Variants in RNF217 observed in about 807,000 individuals in gnomAD.
RNF217 encodes E3 ubiquitin-protein ligase RNF217.
Under a neutral mutation model 57.8 loss-of-function variants are expected in RNF217, and 31 were observed. The ratio of observed to expected loss-of-function variants is 0.54; its 90% CI spans 0.40 to 0.72. The LOEUF (loss-of-function observed/expected upper bound fraction) is 0.72, where lower values mean the gene tolerates loss of function less well. RNF217 is among the 30% of genes least tolerant of loss of function. The pLI is 0.00. For synonymous variants in RNF217, 313 were observed against 294.0 expected, an observed-to-expected ratio of 1.06 and a Z score of -0.66; for missense variants, 696 against 708.3, an observed-to-expected ratio of 0.98 and a Z score of 0.20.
intron 3 of RNF217, among the ~76,000 whole-genome samples, chr6:125,074,995 G>T (rs1788309326): frequency 6.6e-6 from 1 of 152,122 alleles, no homozygotes; most frequent in African/African-American, 2.4e-5. Flanking sequence ...TCTAAGCAAA[G>T]AACTCACATG....
At chr6:125,069,976 C>T (rs1788077678) in intron 3 of RNF217, among the ~76,000 whole-genome samples, 1 of 151,984 alleles carries the variant, frequency 6.6e-6, no homozygotes, top group South Asian at 2.1e-4. Flanking sequence ...TACACTGTAC[C>T]CATTACATTA....
Position 124,963,350 on chromosome 6 carries a change from A to G in RNF217, c.806A>G (p.Asp269Gly). The change falls in exon 1 of 6, where the codon GAC becomes GGC. Residue 269 changes from aspartate to glycine, a missense_variant. Coordinates refer to ENST00000521654, the MANE Select transcript of RNF217 (RefSeq NM_001286398.3). ...MVLMCRVCLE[D>G]KPIKPLPCCK... ...CTGATGTGCCGGGTGTGCCTGGAAG[A>G]CAAGCCCATCAAGCCCCTGCCTTGC... The G allele has an allele frequency of 6.5e-7, 1 of 1,532,862 alleles. No homozygotes were observed. The highest frequency in any genetic ancestry group is 8.7e-7 in the Non-Finnish European group (1 of 1,145,312). 95.0% of individuals were successfully genotyped at this position (1,532,862 alleles called of 1,614,324 possible). A position where few individuals can be genotyped will look rare whatever the true frequency, so the allele number is the denominator to read the frequency against.
chr6:124,999,563 C>G (rs976385070), intron 1 of RNF217, among the ~76,000 whole-genome samples: 1 of 151,882 alleles, frequency 6.6e-6, no homozygotes, highest in Non-Finnish European at 1.5e-5. Flanking sequence ...GTAGTTCTGC[C>G]AGAGCCTAAA....
chr6:125,021,221 A>G (rs1355517769), intron 1 of RNF217, among the ~76,000 whole-genome samples: 1 of 152,096 alleles, frequency 6.6e-6, no homozygotes, highest in Non-Finnish European at 1.5e-5. Flanking sequence ...GAAGTATTAT[A>G]CAATGTTCAG....
At chr6:125,007,106 G>A (rs530115514) in intron 1 of RNF217, among the ~76,000 whole-genome samples, 1 of 152,170 alleles carries the variant, frequency 6.6e-6, no homozygotes, top group East Asian at 1.9e-4. Flanking sequence ...GTCTTCAGCT[G>A]TATCTAGTCT....
At chr6:124,981,394 A>G (rs752490439) in intron 1 of RNF217, among the ~76,000 whole-genome samples, 25 of 152,316 alleles carry the variant, frequency 1.6e-4, no homozygotes, top group Non-Finnish European at 3.1e-4. Flanking sequence ...TGGTCGGGGT[A>G]CAGCTTGCTT....
At chr6:125,042,612 A>G (rs1372370716) in intron 1 of RNF217, among the ~76,000 whole-genome samples, 1 of 152,108 alleles carries the variant, frequency 6.6e-6, no homozygotes, top group Non-Finnish European at 1.5e-5. Context: ...TGCAGATTTG[A>G]GAAATACTGC....
At chr6:125,004,909 G>T (rs912762790) in intron 1 of RNF217, among the ~76,000 whole-genome samples, 1 of 152,136 alleles carries the variant, frequency 6.6e-6, no homozygotes, top group African/African-American at 2.4e-5. Flanking sequence ...CACAGACTGG[G>T]TAATTTATAA....
intron 1 of RNF217, among the ~76,000 whole-genome samples, chr6:124,989,787 C>G (rs1221157407): frequency 6.6e-6 from 1 of 151,172 alleles, no homozygotes; most frequent in Non-Finnish European, 1.5e-5. Flanking sequence ...ATTTACTGAA[C>G]TCTGTCCTAT....
intron 1 of RNF217, among the ~76,000 whole-genome samples, chr6:125,022,051 T>G (rs1222494799): frequency 6.6e-6 from 1 of 152,054 alleles, no homozygotes; most frequent in African/African-American, 2.4e-5. Context: ...CTGGCTAATT[T>G]GTGTTATTTT....
At position 125,091,412 on chromosome 6, in the gene RNF217, T is replaced by C. The variant is rs1788947770; in HGVS notation, c.*8475T>C. 6.6e-6 allele frequency: 1 copy of C among 152,134 alleles called. No individual in the cohort carries two copies. The highest frequency in any genetic ancestry group is 2.1e-4 in the South Asian group (1 of 4,832). 9.4% of individuals were successfully genotyped at this position (152,134 alleles called of 1,614,324 possible). The stretch of plus-strand genomic sequence containing the variant: ...TCTTTGGTCCCTCTATTTAAAGTGC[T>C]AAGGAGAAAGCATATCTTTAGGGAT... On this transcript the variant is annotated 3_prime_UTR_variant, in exon 6 of 6. Transcript: ENST00000521654.
At chr6:124,980,984 T>C (rs1784141692) in intron 1 of RNF217, among the ~76,000 whole-genome samples, 1 of 152,230 alleles carries the variant, frequency 6.6e-6, no homozygotes. Flanking sequence ...ATAAACTCTG[T>C]ACGTTTGTTT....
intron 2 of RNF217, among the ~76,000 whole-genome samples, chr6:125,054,487 T>C (rs1489797627): frequency 2.0e-5 from 3 of 152,198 alleles, no homozygotes; most frequent in Admixed American, 6.5e-5. Context: ...GTCTGCATTG[T>C]AGTCATTTAG....
intron 1 of RNF217, among the ~76,000 whole-genome samples, chr6:124,992,239 T>C (rs951583696): frequency 6.6e-6 from 1 of 152,196 alleles, no homozygotes; most frequent in African/African-American, 2.4e-5. Context: ...GGACATGTAT[T>C]CATTTTTACC....
intron 2 of RNF217, among the ~76,000 whole-genome samples, chr6:125,055,486 C>T (rs78594179): frequency 0.036 from 5,438 of 152,260 alleles, 132 homozygotes; most frequent in Non-Finnish European, 0.055. Context: ...GATAGTTCAG[C>T]ACTTAATCAC....
At chr6:125,034,755 G>T (rs1285758440) in intron 1 of RNF217, among the ~76,000 whole-genome samples, 1 of 152,056 alleles carries the variant, frequency 6.6e-6, no homozygotes, top group Non-Finnish European at 1.5e-5. Flanking sequence ...AGCTTGATGG[G>T]GATGGCAACT....
At chr6:124,964,133 G>A (rs568277823) in intron 1 of RNF217, among the ~76,000 whole-genome samples, 5 of 152,284 alleles carry the variant, frequency 3.3e-5, no homozygotes, top group African/African-American at 1.2e-4. Flanking sequence ...TTCTTGGAAA[G>A]CTTGAGAGTG....
In RNF217 at chr6:125,081,502, T is replaced by C; in HGVS notation, c.1550T>C (p.Val517Ala). ...LGLALGAIAV[V>A]IGLFVFPIYC... The stretch of plus-strand genomic sequence containing the variant: ...TTGGCACTAGGGGCCATAGCGGTTG[T>C]AATCGGTAAGAAACACTTCATGCAT... Residue 517 changes from valine (V) to alanine (A), a missense_variant, in exon 5 of 6, where the codon GTA becomes GCA. Around this residue, in one of 2 missense-constraint regions of RNF217, gnomAD observed 231 missense variants for 321.4 expected, o/e 0.72. Coordinates refer to ENST00000521654, the MANE Select transcript of RNF217 (RefSeq NM_001286398.3). The C allele has an allele frequency of 6.2e-7, 1 of 1,609,990 alleles. No individual in the cohort carries two copies. Among genetic ancestry groups the C allele is most frequent in the Non-Finnish European group, 8.5e-7 (1 of 1,177,120 alleles).
At chr6:125,054,420 G>C (rs1365985379) in intron 2 of RNF217, among the ~76,000 whole-genome samples, 1 of 152,192 alleles carries the variant, frequency 6.6e-6, no homozygotes, top group South Asian at 2.1e-4. Flanking sequence ...AGCTCTGGTA[G>C]TGTGAGAGCC....
Sources: allele counts gnomAD v4.1 joint callset (sites outside exome capture counted in the v4.1 genomes callset), GRCh38; gene constraint gnomAD v4.1.1; regional missense constraint gnomAD v4.1.1; transcripts MANE v1.5; gene names NCBI Gene and HGNC (gene_info 2026-07-23, HGNC 2026-07-21).